SWAP70: variants seen among roughly 807,000 people sequenced by gnomAD.
SWAP70 encodes the protein switch-associated protein 70.
Under a neutral mutation model 80.2 loss-of-function variants are expected in SWAP70, and 34 were observed. The observed-to-expected ratio is 0.42, with a 90% CI of 0.32 to 0.56. The LOEUF is 0.56. SWAP70 is among the 20% of genes least tolerant of loss of function. The pLI, the probability that SWAP70 is intolerant of heterozygous loss-of-function variation, is 0.09. For synonymous variants in SWAP70, 239 were observed against 238.5 expected (o/e 1.00, Z -0.02); for missense variants, 578 against 690.7 (o/e 0.84, Z 1.83).
rs1413190460 is a variant in SWAP70 at position 9,738,223 on chromosome 11, AAGC to A, written c.1096_1098del (p.Ala366del). Reference sequence around the variant, plus strand: ...TTTTTGATTGGCTAGAAACTGGAGGAAGCAGCATCTCGTGCAGCAGAAGAGGAA... The same window carrying A: ...TTTTTGATTGGCTAGAAACTGGAGGAAGCATCTCGTGCAGCAGAAGAGGAA... On this transcript the variant is annotated inframe_deletion, in exon 8 of 12. Coordinates refer to ENST00000318950, the MANE Select transcript of SWAP70 (RefSeq NM_015055.4). 9 of 1,608,088 alleles carry A rather than the reference AAGC, an allele frequency of 5.6e-6. No individual in the cohort carries two copies. In the African/African-American group the frequency reaches 1.1e-4, roughly 19 times the overall value.
intron 2 of SWAP70, chr11:9,703,590 C>CCGCA: frequency 2.4e-6 from 1 of 423,104 alleles, no homozygotes; most frequent in South Asian, 1.7e-5. Flanking sequence ...AATGTGTTTC[C>CCGCA]CGCAGCAGCC....
chr11:9,699,497 A>G (rs758714930), intron 2 of SWAP70, among the ~76,000 whole-genome samples: 23 of 152,082 alleles, frequency 1.5e-4, no homozygotes, highest in Admixed American at 9.2e-4. Flanking sequence ...TATATTTCAT[A>G]TATACTTACA....
At position 9,671,647 on chromosome 11, in the gene SWAP70, T is replaced by G. The variant is rs867989888; in HGVS notation, c.99+7369T>G. On this transcript the variant is annotated intron_variant, in intron 1 of 11. Transcript: ENST00000318950. ...ATATAAATATATAAATATTTCTATA[T>G]AAATATATTTCTATATAAATATATA... Among the ~76,000 whole-genome samples the G allele has an allele frequency of 7.8e-4, 71 of 90,826 alleles. 3 individuals carry two copies. The highest frequency in any genetic ancestry group is 1.4e-3 in the South Asian group (4 of 2,818). The allele number at this position is 90,826 out of a possible 152,430, so 59.6% of individuals were successfully genotyped here. A position where few individuals can be genotyped will look rare whatever the true frequency, so the allele number is the denominator to read the frequency against.
chr11:9,665,389 A>G (rs1418066949), intron 1 of SWAP70, among the ~76,000 whole-genome samples: 1 of 152,078 alleles, frequency 6.6e-6, no homozygotes, highest in Non-Finnish European at 1.5e-5. Context: ...CGTAATTTTT[A>G]TTTTACTTCA....
At position 9,752,648 on chromosome 11, in the gene SWAP70, C is replaced by G. The variant is rs1440560394; in HGVS notation, c.*2678C>G. 1 of 152,150 alleles carries G rather than the reference C, an allele frequency of 6.6e-6. No individual in the cohort carries two copies. Among genetic ancestry groups the G allele is most frequent in the Non-Finnish European group, 1.5e-5 (1 of 68,022 alleles). The allele number at this position is 152,150 out of a possible 1,614,324, so 9.4% of individuals were successfully genotyped here. On this transcript the variant is annotated 3_prime_UTR_variant, in exon 12 of 12. Transcript: ENST00000318950. ...ACTCTTGGTTTTACTTTTGTAATTACTGTACAGAAAATTTCAAGAGTGTTT... is the reference window on the plus strand; with the variant it reads ...ACTCTTGGTTTTACTTTTGTAATTAGTGTACAGAAAATTTCAAGAGTGTTT...
chr11:9,719,093 C>CA (rs3049796), intron 3 of SWAP70, among the ~76,000 whole-genome samples: 1,531 of 95,714 alleles, frequency 0.016, 41 homozygotes, highest in African/African-American at 0.032. Flanking sequence ...GACACTGAAT[C>CA]AAAAAAAAAA....
intron 4 of SWAP70, among the ~76,000 whole-genome samples, chr11:9,727,243 C>A (rs1458487600): frequency 6.6e-6 from 1 of 152,082 alleles, no homozygotes; most frequent in African/African-American, 2.4e-5. Flanking sequence ...CAAAAATTAG[C>A]CAGGCATGGT....
chr11:9,744,812 AC>A (rs1464972864), intron 9 of SWAP70, among the ~76,000 whole-genome samples: 4 of 151,882 alleles, frequency 2.6e-5, no homozygotes, highest in African/African-American at 9.7e-5. Context: ...GGAGGCTGAG[AC>A]ACTTGAATCC....
intron 11 of SWAP70, among the ~76,000 whole-genome samples, chr11:9,749,619 C>T (rs915354929): frequency 1.3e-5 from 2 of 151,864 alleles, no homozygotes; most frequent in African/African-American, 4.8e-5. Context: ...CTTTTTTAGC[C>T]CAAATGTAAA....
intron 9 of SWAP70, among the ~76,000 whole-genome samples, chr11:9,743,494 G>C (rs973579315): frequency 1.3e-5 from 2 of 151,206 alleles, no homozygotes; most frequent in Non-Finnish European, 2.9e-5. Context: ...CACAAAGGTT[G>C]AACTAGTTTA....
At chr11:9,697,986 A>G (rs1227842972) in intron 2 of SWAP70, among the ~76,000 whole-genome samples, 1 of 150,208 alleles carries the variant, frequency 6.7e-6, no homozygotes, top group Admixed American at 6.7e-5. Flanking sequence ...GGATCTCACT[A>G]TGTTGCCCAG....
At chr11:9,664,331 A>ACTTC (rs1256314851) in intron 1 of SWAP70, 53 bp downstream of exon 1, 16 of 1,518,296 alleles carry the variant, frequency 1.1e-5, no homozygotes, top group Admixed American at 4.1e-5. Flanking sequence ...CGCGCTCTGT[A>ACTTC]CTTCCCTTGG....
At chr11:9,667,689 C>CTTCAGACTCCCAT (rs1850325936) in intron 1 of SWAP70, among the ~76,000 whole-genome samples, 1 of 152,072 alleles carries the variant, frequency 6.6e-6, no homozygotes, top group Non-Finnish European at 1.5e-5. Flanking sequence ...CAGACTCCCA[C>CTTCAGACTCCCAT]GTAGATGGGA....
intron 2 of SWAP70, among the ~76,000 whole-genome samples, chr11:9,699,527 A>G (rs1450962531): frequency 2.6e-5 from 4 of 152,152 alleles, no homozygotes; most frequent in East Asian, 3.8e-4. Flanking sequence ...TAGAACACAA[A>G]TACTTGATGG....
intron 1 of SWAP70, among the ~76,000 whole-genome samples, chr11:9,681,547 G>A (rs987321922): frequency 2.6e-5 from 4 of 152,200 alleles, no homozygotes; most frequent in Admixed American, 2.0e-4. Context: ...GACTAAAGGT[G>A]AGAGGCTGGA....
At chr11:9,666,449 C>G (rs1407456036) in intron 1 of SWAP70, among the ~76,000 whole-genome samples, 1 of 151,956 alleles carries the variant, frequency 6.6e-6, no homozygotes, top group Non-Finnish European at 1.5e-5. Flanking sequence ...AGTACTTGCT[C>G]TAGGAGTTAG....
At chr11:9,743,569 C>A (rs996181413) in intron 9 of SWAP70, among the ~76,000 whole-genome samples, 1 of 151,368 alleles carries the variant, frequency 6.6e-6, no homozygotes, top group Non-Finnish European at 1.5e-5. Context: ...CTGTTGTTTC[C>A]TGACTTTTTA....
In SWAP70 at chr11:9,750,057, G is replaced by C. The variant is rs976191501; in HGVS notation, c.*87G>C. ...AAAGACAAAAGAAACAGCTTTGGGG[G>C]CCGGGCGTGGTGGCTCACGCCTGTA... On this transcript the variant is annotated 3_prime_UTR_variant, in exon 12 of 12. Transcript: ENST00000318950. 151 of 965,970 alleles carry C rather than the reference G, an allele frequency of 1.6e-4. No individual in the cohort carries two copies. Among genetic ancestry groups the C allele is most frequent in the Non-Finnish European group, 2.3e-4 (143 of 630,820 alleles). 59.8% of individuals were successfully genotyped at this position (965,970 alleles called of 1,614,324 possible). A position where few individuals can be genotyped will look rare whatever the true frequency, so the allele number is the denominator to read the frequency against.
At chr11:9,690,330 C>G (rs1337306278) in intron 1 of SWAP70, among the ~76,000 whole-genome samples, 1 of 152,020 alleles carries the variant, frequency 6.6e-6, no homozygotes, top group Non-Finnish European at 1.5e-5. Flanking sequence ...GCCTCTAATC[C>G]CAGCACGCAG....
Sources: gnomAD v4.1 joint callset for allele counts (sites outside exome capture counted in the v4.1 genomes callset) on GRCh38, gnomAD v4.1.1 for gene constraint, MANE v1.5 for transcripts, NCBI Gene and HGNC (gene_info 2026-07-23, HGNC 2026-07-21) for gene names.